Variants in TMEM132C observed in about 807,000 individuals in gnomAD.
TMEM132C encodes the protein protein phosphatase 1, regulatory subunit 152.
TMEM132C carries 29 observed loss-of-function variants against 61.4 expected under a neutral mutation model. The observed-to-expected ratio is 0.47, with a 90% CI of 0.35 to 0.64. The LOEUF is 0.64. Among genes scored for constraint, TMEM132C ranks in the 30% least tolerant of loss-of-function variants. The pLI is 0.00. For synonymous variants in TMEM132C, 656 were observed against 633.1 expected (o/e 1.04, Z -0.54); for missense variants, 1,408 against 1,476.9 (o/e 0.95, Z 0.76).
intron 1 of TMEM132C, among the ~76,000 whole-genome samples, chr12:128,368,636 G>T (rs1312238941): frequency 6.6e-6 from 1 of 152,222 alleles, no homozygotes; most frequent in East Asian, 1.9e-4. Context: ...CCTTGAAGAA[G>T]AAATTTCACT....
At chr12:128,344,478 G>T (rs1873086648) in intron 1 of TMEM132C, among the ~76,000 whole-genome samples, 1 of 152,116 alleles carries the variant, frequency 6.6e-6, no homozygotes, top group Non-Finnish European at 1.5e-5. Flanking sequence ...TATGTCTTTT[G>T]GGTATAGTCC....
chr12:128,350,360 G>A lies in TMEM132C; in HGVS notation c.86-64372G>A, dbSNP rs539339264. ...TGCTGGGAGTGAGAAGGGCTAGGGG[G>A]CAAAGCAATGCTGTAGAGAGGACAG... On this transcript the variant is annotated intron_variant, in intron 1 of 8. Coordinates refer to ENST00000435159, the MANE Select transcript of TMEM132C (RefSeq NM_001136103.3). 5.3e-5 allele frequency among the ~76,000 whole-genome samples: 8 copies of A among 152,220 alleles called. No homozygotes were observed. The South Asian group carries it at 6.2e-4, about 12-fold the overall frequency.
chr12:128,508,072 G>A (rs932438832), intron 2 of TMEM132C, among the ~76,000 whole-genome samples: 6 of 152,132 alleles, frequency 3.9e-5, no homozygotes, highest in Non-Finnish European at 7.3e-5. Context: ...GTGTTAGTCC[G>A]TTTTCATGCG....
chr12:128,377,976 G>A (rs1874253017), intron 1 of TMEM132C, among the ~76,000 whole-genome samples: 1 of 152,190 alleles, frequency 6.6e-6, no homozygotes, highest in African/African-American at 2.4e-5. Context: ...GTGCTGGTGT[G>A]AGATCCAGAA....
rs1870577018 is a variant in TMEM132C, at chr12:128,462,626, C to CT, written c.974+47007dup. 3.3e-5 allele frequency among the ~76,000 whole-genome samples: 5 copies of CT among 152,326 alleles called. No individual in the cohort carries two copies. The South Asian group carries it at 1.0e-3, about 32-fold the overall frequency. On this transcript the variant is annotated intron_variant, in intron 2 of 8. Transcript: ENST00000435159. ...CTTCCTCCTGAAGGAAAGCCACACT[C>CT]TAACTCTTTGATCTCTTCTTGTTTT...
chr12:128,591,640 A>G (rs1399423823), intron 3 of TMEM132C, among the ~76,000 whole-genome samples: 3 of 152,130 alleles, frequency 2.0e-5, no homozygotes, highest in East Asian at 1.9e-4. Context: ...TGGGAGCTCT[A>G]TTTTCAACTC....
intron 2 of TMEM132C, among the ~76,000 whole-genome samples, chr12:128,513,925 A>C (rs766789896): frequency 6.6e-6 from 1 of 152,172 alleles, no homozygotes; most frequent in African/African-American, 2.4e-5. Flanking sequence ...CCAGCCTCCA[A>C]GAATAGCTGA....
At chr12:128,322,591 C>A (rs1008781690) in intron 1 of TMEM132C, among the ~76,000 whole-genome samples, 1 of 152,220 alleles carries the variant, frequency 6.6e-6, no homozygotes, top group Admixed American at 6.5e-5. Context: ...TCAATTTCAT[C>A]TTTTCGCACG....
At chr12:128,461,869 C>G (rs1443975281) in intron 2 of TMEM132C, among the ~76,000 whole-genome samples, 2 of 152,152 alleles carry the variant, frequency 1.3e-5, no homozygotes, top group African/African-American at 4.8e-5. Context: ...GAGTTCCTAA[C>G]CTAGGACCTG....
intron 1 of TMEM132C, among the ~76,000 whole-genome samples, chr12:128,345,648 A>G (rs892246947): frequency 8.6e-5 from 13 of 152,026 alleles, no homozygotes; most frequent in Admixed American, 1.3e-4. Context: ...TTTGAATTAC[A>G]TTTTTCTAAT....
intron 2 of TMEM132C, among the ~76,000 whole-genome samples, chr12:128,517,542 G>A (rs1198128093): frequency 6.6e-6 from 1 of 152,130 alleles, no homozygotes; most frequent in Non-Finnish European, 1.5e-5. Flanking sequence ...TTGATCCATG[G>A]ATGGACAGAT....
At chr12:128,450,252 G>GCA (rs1184177294) in intron 2 of TMEM132C, among the ~76,000 whole-genome samples, 2 of 152,004 alleles carry the variant, frequency 1.3e-5, no homozygotes, top group Non-Finnish European at 2.9e-5. Context: ...GTCACTTGTG[G>GCA]CTACTGGCTA....
chr12:128,310,067 T>A (rs1160244308), intron 1 of TMEM132C, among the ~76,000 whole-genome samples: 2 of 152,200 alleles, frequency 1.3e-5, no homozygotes. Flanking sequence ...CTGGATAATA[T>A]TTCATTGTAC....
At chr12:128,599,472 G>A (rs1007626793) in intron 3 of TMEM132C, among the ~76,000 whole-genome samples, 2 of 152,200 alleles carry the variant, frequency 1.3e-5, no homozygotes, top group Non-Finnish European at 2.9e-5. Flanking sequence ...ATGTTGCTCC[G>A]GAGGAGACGG....
intron 2 of TMEM132C, among the ~76,000 whole-genome samples, chr12:128,421,457 G>A (rs1868985522): frequency 6.6e-6 from 1 of 152,198 alleles, no homozygotes. Context: ...TCTCCTCACT[G>A]AGAAACCCAA....
intron 3 of TMEM132C, among the ~76,000 whole-genome samples, chr12:128,612,917 T>C (rs1300179767): frequency 1.3e-5 from 2 of 152,204 alleles, no homozygotes; most frequent in Admixed American, 6.5e-5. Context: ...TTGTGCTGGC[T>C]TCTTTTTCAT....
At chr12:128,322,081 G>T (rs1291293040) in intron 1 of TMEM132C, among the ~76,000 whole-genome samples, 1 of 152,198 alleles carries the variant, frequency 6.6e-6, no homozygotes, top group African/African-American at 2.4e-5. Flanking sequence ...CCGTCCTCTC[G>T]AACCTGAGAT....
At chr12:128,686,304 C>G (rs901017539) in intron 5 of TMEM132C, among the ~76,000 whole-genome samples, 1 of 152,196 alleles carries the variant, frequency 6.6e-6, no homozygotes, top group South Asian at 2.1e-4. Context: ...CATTCTACCC[C>G]GTTGATGCTG....
chr12:128,568,531 C>T (rs889767559), intron 3 of TMEM132C, among the ~76,000 whole-genome samples: 1 of 152,210 alleles, frequency 6.6e-6, no homozygotes, highest in Non-Finnish European at 1.5e-5. Flanking sequence ...TATTTAATCT[C>T]CACATCCCTA....
Sources: allele counts gnomAD v4.1 joint callset (sites outside exome capture counted in the v4.1 genomes callset), GRCh38; gene constraint gnomAD v4.1.1; transcripts MANE v1.5; gene names NCBI Gene and HGNC (gene_info 2026-07-23, HGNC 2026-07-21).